ACOX2: variants seen among roughly 807,000 people sequenced by gnomAD.
ACOX2 encodes the protein acyl-CoA oxidase 2, also known as peroxisomal acyl-coenzyme A oxidase 2.
A neutral mutation model predicts 77.5 loss-of-function variants in ACOX2; 59 were observed. That is an observed-to-expected ratio of 0.76 (90% CI 0.62 to 0.95). The LOEUF (loss-of-function observed/expected upper bound fraction) is 0.95. Among genes scored for constraint, ACOX2 ranks in the 40% least tolerant of loss-of-function variants. The pLI, the probability that ACOX2 is intolerant of heterozygous loss-of-function variation, is 0.00. For synonymous variants in ACOX2, 317 were observed against 340.1 expected (o/e 0.93, Z 0.75); for missense variants, 837 against 880.4 (o/e 0.95, Z 0.62).
At chr3:58,513,156 T>G (rs1375305159) in intron 13 of ACOX2, among the ~76,000 whole-genome samples, 1 of 152,156 alleles carries the variant, frequency 6.6e-6, no homozygotes. Context: ...TTTCCTCCAC[T>G]TCCTGCTATC....
chr3:58,510,923 C>G, intron 13 of ACOX2: 1 of 455,212 alleles, frequency 2.2e-6, no homozygotes, highest in South Asian at 1.6e-5. Flanking sequence ...TATTACATTG[C>G]TATATTTACT....
In ACOX2 at chr3:58,519,888, G is replaced by A. The variant is rs376125040; in HGVS notation, c.1633-2465C>T. On this transcript the variant is annotated intron_variant, in intron 12 of 14. Coordinates refer to ENST00000302819, the MANE Select transcript of ACOX2 (RefSeq NM_003500.4). This position sits in a 1 kb window ranked among gnomAD's most constrained non-coding sequence, Gnocchi z 5.0. ...TCCAGCTTGGCAGAACTGCGGACCC[G>A]CACTCCTTTTCCTGTCCTAATCTGA... Among the ~76,000 whole-genome samples, 3 of 152,230 alleles carry A rather than the reference G, an allele frequency of 2.0e-5. No homozygotes were observed. Among genetic ancestry groups the A allele is most frequent in the Admixed American group, 6.5e-5 (1 of 15,288 alleles).
Position 58,521,701 on chromosome 3 carries a change from C to T in ACOX2, c.1632+795G>A, listed in dbSNP as rs1560214954. Among the ~76,000 whole-genome samples the T allele has an allele frequency of 2.0e-5, 3 of 152,340 alleles. No individual in the cohort carries two copies. Among genetic ancestry groups the T allele is most frequent in the East Asian group, 3.9e-4 (2 of 5,190 alleles). ...AAGGCATTGCAATGAAAACAAAACCCCAACTTTTCACAGTGGTGCAAAAGG... is the reference window on the plus strand; with the variant it reads ...AAGGCATTGCAATGAAAACAAAACCTCAACTTTTCACAGTGGTGCAAAAGG... On this transcript the variant is annotated intron_variant, in intron 12 of 14. Coordinates refer to ENST00000302819, the MANE Select transcript of ACOX2 (RefSeq NM_003500.4). This position sits in a 1 kb window ranked among gnomAD's most constrained non-coding sequence, Gnocchi z 4.8.
At position 58,512,951 on chromosome 3, in the gene ACOX2, G is replaced by T. The variant is rs574777551; in HGVS notation, c.1851-3926C>A. Among the ~76,000 whole-genome samples, 5 of 152,302 alleles carry T rather than the reference G, an allele frequency of 3.3e-5. No homozygotes were observed. In the South Asian group the frequency reaches 1.0e-3, roughly 32 times the overall value. On this transcript the variant is annotated intron_variant, in intron 13 of 14. Coordinates refer to ENST00000302819, the MANE Select transcript of ACOX2 (RefSeq NM_003500.4). The surrounding 1 kb of genome is among the most constrained non-coding windows in gnomAD (Gnocchi z 4.8). ...GACTCACCTGAAGACACATTTCTCA[G>T]AACGGATCCTCCAGTCATTAAGTGA...
rs2063382039 is a variant in ACOX2, at chr3:58,524,597, A to T, written c.1355T>A (p.Val452Glu). The change falls in exon 11 of 15, where the codon GTG becomes GAG. Residue 452 changes from valine to glutamate, a missense_variant. Transcript: ENST00000302819. This position sits in a 1 kb window ranked among gnomAD's most constrained non-coding sequence, Gnocchi z 5.5. Reference protein sequence around the residue: ...VLYLQVARFLVKSYLQTQMSP... With the variant: ...VLYLQVARFLEKSYLQTQMSP... ...CATCTGAGTCTGCAGGTAGCTCTTC[A>T]CCAGGAACCTGGGGGTTGGAAGAGG... 1 of 1,613,832 alleles carries T rather than the reference A, an allele frequency of 6.2e-7. No individual in the cohort carries two copies. Among genetic ancestry groups the T allele is most frequent in the South Asian group, 1.1e-5 (1 of 91,082 alleles).
rs1002477660 is a variant in ACOX2, at chr3:58,519,333, G to C, written c.1633-1910C>G. 6.6e-6 allele frequency among the ~76,000 whole-genome samples: 1 copy of C among 151,922 alleles called. No homozygotes were observed. The highest frequency in any genetic ancestry group is 1.5e-5 in the Non-Finnish European group (1 of 67,988). On this transcript the variant is annotated intron_variant, in intron 12 of 14. Transcript: ENST00000302819. This position sits in a 1 kb window ranked among gnomAD's most constrained non-coding sequence, Gnocchi z 5.0. ...TGGGAGGTGGAGGTTGCAGTGAGCT[G>C]AGACCGTGCCACTGCACTCCAGCCT...
intron 13 of ACOX2, chr3:58,511,137 C>T (rs547754054): frequency 4.0e-5 from 18 of 447,430 alleles, no homozygotes; most frequent in Admixed American, 9.6e-5. Context: ...TCTTCAGGCT[C>T]TCAGCTCAGG....
rs575610496 is a variant in ACOX2 at position 58,530,733 on chromosome 3, C to T, written c.820-95G>A. 4.3e-6 allele frequency: 6 copies of T among 1,387,408 alleles called. No homozygotes were observed. The African/African-American group carries it at 8.6e-5, about 20-fold the overall frequency. 85.9% of individuals were successfully genotyped at this position (1,387,408 alleles called of 1,614,324 possible). On this transcript the variant is annotated intron_variant, in intron 7 of 14. Coordinates refer to ENST00000302819, the MANE Select transcript of ACOX2 (RefSeq NM_003500.4). The stretch of plus-strand genomic sequence containing the variant: ...TGTGGGGCTCCACACATGGAGGGCA[C>T]CTCGCCCCTCAACCGGCGCATCTGG...
chr3:58,519,036 G>A lies in ACOX2; in HGVS notation c.1633-1613C>T, dbSNP rs988141646. Reference sequence around the variant, plus strand: ...CCTGAGACTGTGCATTTCTAACAAGGTCCCCTGTGATGCCCATGCTGCTGT... The same window carrying A: ...CCTGAGACTGTGCATTTCTAACAAGATCCCCTGTGATGCCCATGCTGCTGT... On this transcript the variant is annotated intron_variant, in intron 12 of 14. Transcript: ENST00000302819. The surrounding 1 kb of genome is among the most constrained non-coding windows in gnomAD (Gnocchi z 5.0). Among the ~76,000 whole-genome samples the A allele has an allele frequency of 1.3e-4, 20 of 152,092 alleles. No homozygotes were observed. Among genetic ancestry groups the A allele is most frequent in the Non-Finnish European group, 2.8e-4 (19 of 68,022 alleles).
At chr3:58,508,835 T>C in intron 14 of ACOX2, 58 bp downstream of exon 14, 7 of 1,594,670 alleles carry the variant, frequency 4.4e-6, no homozygotes, top group Non-Finnish European at 6.0e-6. Context: ...CATGAAGGTG[T>C]ATTCACTGCC....
chr3:58,524,237 C>T lies in ACOX2; in HGVS notation c.1526+189G>A, dbSNP rs2108001215. Among the ~76,000 whole-genome samples the T allele has an allele frequency of 6.6e-6, 1 of 152,244 alleles. No individual in the cohort carries two copies. Among genetic ancestry groups the T allele is most frequent in the East Asian group, 1.9e-4 (1 of 5,174 alleles). ...ACCAGGATGGGGAAGTGACGGGGGTCCATGGCTGATGGGGGGGACATCCCC... is the reference window on the plus strand; with the variant it reads ...ACCAGGATGGGGAAGTGACGGGGGTTCATGGCTGATGGGGGGGACATCCCC... On this transcript the variant is annotated intron_variant, in intron 11 of 14. Transcript: ENST00000302819. The surrounding 1 kb of genome is among the most constrained non-coding windows in gnomAD (Gnocchi z 5.5).
chr3:58,518,956 T>TA (rs1351519472), intron 12 of ACOX2, among the ~76,000 whole-genome samples: 1 of 152,196 alleles, frequency 6.6e-6, no homozygotes, highest in Non-Finnish European at 1.5e-5. Flanking sequence ...CTCAGTTTTT[T>TA]ATGTGCATAT....
chr3:58,517,885 A>G (rs947628811), intron 12 of ACOX2, among the ~76,000 whole-genome samples: 5 of 151,994 alleles, frequency 3.3e-5, no homozygotes, highest in African/African-American at 1.2e-4. Flanking sequence ...GACCAGTATG[A>G]CCAACATGGT....
Position 58,522,681 on chromosome 3 carries a change from A to G in ACOX2, c.1527-80T>C, listed in dbSNP as rs888870049. On this transcript the variant is annotated intron_variant, in intron 11 of 14. Coordinates refer to ENST00000302819, the MANE Select transcript of ACOX2 (RefSeq NM_003500.4). The surrounding 1 kb of genome is among the most constrained non-coding windows in gnomAD (Gnocchi z 4.3). ...GATGGGCTTCCTGTGGTCCCTCAGA[A>G]GTAGAAATAATGCCTGTTTATTGAC... 6 of 1,237,956 alleles carry G rather than the reference A, an allele frequency of 4.8e-6. No homozygotes were observed. The African/African-American group carries it at 8.9e-5, about 18-fold the overall frequency. 76.7% of individuals were successfully genotyped at this position (1,237,956 alleles called of 1,614,324 possible).
intron 13 of ACOX2, among the ~76,000 whole-genome samples, chr3:58,513,680 T>C (rs2063302937): frequency 6.6e-6 from 1 of 152,164 alleles, no homozygotes; most frequent in African/African-American, 2.4e-5. Context: ...TCTTATGTCC[T>C]CTGAATTGCC....
At chr3:58,510,898 G>T (rs1235311703) in intron 13 of ACOX2, 1 of 446,270 alleles carries the variant, frequency 2.2e-6, no homozygotes, top group East Asian at 7.0e-5. Context: ...GGCCCTGATT[G>T]CAGCTCAGCA....
rs956322922 is a variant in ACOX2, at chr3:58,525,091, G to A, written c.1347-486C>T. ...CAGCCCTGGATTCCCATACAGCCTC[G>A]CCGAGACCTGTGTGATGAAAGAAGC... On this transcript the variant is annotated intron_variant, in intron 10 of 14. Transcript: ENST00000302819. This position sits in a 1 kb window ranked among gnomAD's most constrained non-coding sequence, Gnocchi z 5.0. Among the ~76,000 whole-genome samples the A allele has an allele frequency of 2.0e-5, 3 of 152,082 alleles. No individual in the cohort carries two copies. Among genetic ancestry groups the A allele is most frequent in the African/African-American group, 7.2e-5 (3 of 41,392 alleles).
rs1171527997 is a variant in ACOX2, at chr3:58,526,717, C to T, written c.1156-61G>A. Reference sequence around the variant, plus strand: ...GGGGCCTCCACCATAGGGACCAACCCTGTGCACCACTTACTGAGCATCTAC... The same window carrying T: ...GGGGCCTCCACCATAGGGACCAACCTTGTGCACCACTTACTGAGCATCTAC... On this transcript the variant is annotated intron_variant, in intron 9 of 14. Coordinates refer to ENST00000302819, the MANE Select transcript of ACOX2 (RefSeq NM_003500.4). This position sits in a 1 kb window ranked among gnomAD's most constrained non-coding sequence, Gnocchi z 4.3. 2 of 1,539,038 alleles carry T rather than the reference C, an allele frequency of 1.3e-6. No individual in the cohort carries two copies. Among genetic ancestry groups the T allele is most frequent in the Admixed American group, 1.8e-5 (1 of 56,248 alleles).
At chr3:58,506,114 A>G (rs1051190401) in intron 14 of ACOX2, among the ~76,000 whole-genome samples, 17 of 152,290 alleles carry the variant, frequency 1.1e-4, no homozygotes, top group African/African-American at 3.8e-4. Context: ...CTTGTTCTCC[A>G]GTGTATCTTC....
Sources: allele counts gnomAD v4.1 joint callset (sites outside exome capture counted in the v4.1 genomes callset), GRCh38; gene constraint gnomAD v4.1.1; non-coding constraint Gnocchi (gnomAD v3.1); transcripts MANE v1.5; gene names NCBI Gene and HGNC (gene_info 2026-07-23, HGNC 2026-07-21).